The following FAF1 variants were observed in gnomAD, a reference collection of about 807,000 sequenced individuals.
The protein encoded by FAF1 is Fas associated factor 1.
FAF1 carries 25 observed loss-of-function variants against 92.5 expected under a neutral mutation model. The ratio of observed to expected loss-of-function variants is 0.27; its 90% CI spans 0.20 to 0.38. The LOEUF (loss-of-function observed/expected upper bound fraction) is 0.38, where lower values mean the gene tolerates loss of function less well. Ranked by LOEUF, FAF1 falls within the 10% of genes least tolerant of loss-of-function variation. The pLI is 1.00. For missense variants in FAF1, 636 were observed against 793.3 expected (o/e 0.80, Z 2.38); for synonymous variants, 234 against 273.2 (o/e 0.86, Z 1.42).
At chr1:50,502,964 C>T (rs1647010538) in intron 15 of FAF1, among the ~76,000 whole-genome samples, 2 of 151,856 alleles carry the variant, frequency 1.3e-5, no homozygotes, top group Admixed American at 1.3e-4. Context: ...GCTTGGATTA[C>T]AGGTGTGCAC....
chr1:50,684,257 C>CTTTTTT (rs756495229), intron 7 of FAF1, among the ~76,000 whole-genome samples: 1 of 114,436 alleles, frequency 8.7e-6, no homozygotes, highest in African/African-American at 3.3e-5. Flanking sequence ...TTCCAACAGA[C>CTTTTTT]TTTTTTTTTT....
intron 12 of FAF1, among the ~76,000 whole-genome samples, chr1:50,574,896 C>CTGTTTTTTTTTTG: frequency 8.1e-6 from 1 of 122,916 alleles, no homozygotes; most frequent in East Asian, 2.3e-4. Flanking sequence ...GTTGTATTAA[C>CTGTTTTTTTTTTG]TCTTTTTTTT....
chr1:50,665,627 C>A (rs1355502733), intron 7 of FAF1, among the ~76,000 whole-genome samples: 1 of 152,118 alleles, frequency 6.6e-6, no homozygotes, highest in Non-Finnish European at 1.5e-5. Context: ...TTTTCTCTGG[C>A]TGTTTTTGCA....
At chr1:50,666,535 G>C (rs1470350482) in intron 7 of FAF1, among the ~76,000 whole-genome samples, 1 of 152,106 alleles carries the variant, frequency 6.6e-6, no homozygotes, top group Non-Finnish European at 1.5e-5. Flanking sequence ...ATTGTAACGT[G>C]TATGAATCTT....
At chr1:50,872,895 G>A (rs11205787) in intron 1 of FAF1, among the ~76,000 whole-genome samples, 1,509 of 148,216 alleles carry the variant, frequency 0.01, 23 homozygotes, top group African/African-American at 0.036. Flanking sequence ...GCGAAACTCC[G>A]TCTGGAAAAA....
chr1:50,535,449 T>C lies in FAF1; in HGVS notation c.1414A>G (p.Thr472Ala). The C allele has an allele frequency of 3.1e-6, 5 of 1,602,738 alleles. No individual in the cohort carries two copies. Among genetic ancestry groups the C allele is most frequent in the Non-Finnish European group, 4.3e-6 (5 of 1,171,192 alleles). The change falls in exon 15 of 19, where the codon ACA becomes GCA. Residue 472 changes from threonine to alanine, a missense_variant. Thr to Ala is a moderately conservative substitution (Grantham distance 58, BLOSUM62 0). Coordinates refer to ENST00000396153, the MANE Select transcript of FAF1 (RefSeq NM_007051.3). ...EVLNVIQGNT[T>A]VDELMMRLMA... ...AGTCTCATCATTAACTCATCTACTG[T>C]TGTGTTCCCTAAAAACATATAGAGA...
At chr1:50,788,310 A>G in intron 3 of FAF1, 105 bp from the exon 4 acceptor site, 1 of 923,824 alleles carries the variant, frequency 1.1e-6, no homozygotes, top group Non-Finnish European at 1.7e-6. Context: ...CTATCAAGTA[A>G]GTTTACCTAC....
chr1:50,700,735 G>A (rs1262595531), intron 7 of FAF1, among the ~76,000 whole-genome samples: 1 of 152,032 alleles, frequency 6.6e-6, no homozygotes, highest in Non-Finnish European at 1.5e-5. Flanking sequence ...GTAACAAAAG[G>A]CTAAAGACTG....
Position 50,666,798 on chromosome 1 carries a change from G to A in FAF1, c.658-11270C>T, listed in dbSNP as rs576339746. On this transcript the variant is annotated intron_variant, in intron 7 of 18. Coordinates refer to ENST00000396153, the MANE Select transcript of FAF1 (RefSeq NM_007051.3). The stretch of plus-strand genomic sequence containing the variant: ...CTCGGGAGGCTGAGGCAGGAGAATC[G>A]CTTGAACCCAGGAGGCAGAGGTTGC... Among the ~76,000 whole-genome samples the A allele has an allele frequency of 3.3e-5, 5 of 152,144 alleles. No individual in the cohort carries two copies. In the East Asian group the frequency reaches 5.8e-4, roughly 18 times the overall value.
intron 8 of FAF1, among the ~76,000 whole-genome samples, chr1:50,606,212 G>T (rs1004977574): frequency 1.3e-5 from 2 of 152,016 alleles, no homozygotes; most frequent in Non-Finnish European, 2.9e-5. Context: ...GACAGAATTG[G>T]TATCATTTAA....
At chr1:50,854,521 C>T (rs1212554884) in intron 2 of FAF1, among the ~76,000 whole-genome samples, 3 of 151,962 alleles carry the variant, frequency 2.0e-5, no homozygotes, top group African/African-American at 4.8e-5. Flanking sequence ...GAGACATTTC[C>T]TAAAAGTATT....
intron 15 of FAF1, among the ~76,000 whole-genome samples, chr1:50,515,547 C>G (rs992242466): frequency 1.3e-5 from 2 of 152,002 alleles, no homozygotes; most frequent in African/African-American, 4.8e-5. Flanking sequence ...GTTCAGACAG[C>G]AAACAAAATA....
chr1:50,700,643 C>T (rs1196007391), intron 7 of FAF1, among the ~76,000 whole-genome samples: 1 of 152,048 alleles, frequency 6.6e-6, no homozygotes, highest in East Asian at 1.9e-4. Context: ...TTTCTCTTAA[C>T]CCAGGCATTT....
At chr1:50,599,839 T>C (rs996146867) in intron 8 of FAF1, among the ~76,000 whole-genome samples, 5 of 152,214 alleles carry the variant, frequency 3.3e-5, no homozygotes, top group Admixed American at 6.5e-5. Flanking sequence ...CAAGTATCCC[T>C]TATTTAAAAT....
chr1:50,852,022 T>A (rs1644355231), intron 2 of FAF1, among the ~76,000 whole-genome samples: 1 of 152,166 alleles, frequency 6.6e-6, no homozygotes, highest in Non-Finnish European at 1.5e-5. Context: ...TAGGTTAGGC[T>A]ATATAATGAG....
chr1:50,475,327 G>T (rs1572768851), intron 18 of FAF1, 137 bp downstream of exon 18: 1 of 658,152 alleles, frequency 1.5e-6, no homozygotes, highest in East Asian at 2.6e-5. Flanking sequence ...AGAGAATGGT[G>T]TGCAGAACAA....
chr1:50,643,269 TTTGA>T (rs753607933), intron 8 of FAF1, among the ~76,000 whole-genome samples: 18 of 152,222 alleles, frequency 1.2e-4, no homozygotes, highest in Non-Finnish European at 1.8e-4. Context: ...ACAGATTACC[TTTGA>T]TTAACAGTAT....
intron 18 of FAF1, among the ~76,000 whole-genome samples, chr1:50,463,115 C>A (rs1557955226): frequency 6.6e-6 from 1 of 152,140 alleles, no homozygotes; most frequent in Non-Finnish European, 1.5e-5. Context: ...TTCTGGGAGT[C>A]TGGCATTTTG....
chr1:50,584,669 A>G lies in FAF1; in HGVS notation c.967+16T>C, dbSNP rs779420030. 5 of 1,609,684 alleles carry G rather than the reference A, an allele frequency of 3.1e-6. No homozygotes were observed. Among genetic ancestry groups the G allele is most frequent in the Admixed American group, 3.4e-5 (2 of 59,258 alleles). On this transcript the variant is annotated intron_variant, in intron 10 of 18. Coordinates refer to ENST00000396153, the MANE Select transcript of FAF1 (RefSeq NM_007051.3). ...AAGAATTCTATTGCTGGACCCAAAG[A>G]GCTATTAATACTCACTCATTGGAGA...
Sources: allele counts gnomAD v4.1 joint callset (sites outside exome capture counted in the v4.1 genomes callset), GRCh38; gene constraint gnomAD v4.1.1; transcripts MANE v1.5; gene names NCBI Gene and HGNC (gene_info 2026-07-23, HGNC 2026-07-21).